CHODL: variants seen among roughly 807,000 people sequenced by gnomAD.
CHODL encodes transmembrane protein MT75.
In CHODL, 29 loss-of-function variants were observed where a neutral mutation model predicts 34.5. The observed-to-expected ratio is 0.84, with a 90% CI of 0.63 to 1.15. The LOEUF (loss-of-function observed/expected upper bound fraction) is 1.15, where lower values mean the gene tolerates loss of function less well. Ranked by LOEUF, CHODL falls within the 50% of genes most tolerant of loss-of-function variation. CHODL has a pLI of 0.00. For synonymous variants in CHODL, 125 were observed against 116.1 expected, an observed-to-expected ratio of 1.08 and a Z score of -0.49; for missense variants, 332 against 332.5, an observed-to-expected ratio of 1.00 and a Z score of 0.01.
chr21:18,221,595 G>A lies in CHODL; in HGVS notation c.-44-34914G>A, dbSNP rs187815294. 2.6e-4 allele frequency among the ~76,000 whole-genome samples: 40 copies of A among 152,140 alleles called. No homozygotes were observed. In the East Asian group the frequency reaches 3.3e-3, roughly 12 times the overall value. Reference sequence around the variant, plus strand: ...ATAGAATGCTTTCATTTTCTTCCTGGTTAGGTACCATAGTATAGTCTTAGT... The same window carrying A: ...ATAGAATGCTTTCATTTTCTTCCTGATTAGGTACCATAGTATAGTCTTAGT... On this transcript the variant is annotated intron_variant, in intron 2 of 6. Transcript: ENST00000400127.
At chr21:18,233,835 C>T (rs991354161) in intron 2 of CHODL, among the ~76,000 whole-genome samples, 1 of 152,054 alleles carries the variant, frequency 6.6e-6, no homozygotes, top group Non-Finnish European at 1.5e-5. Flanking sequence ...TGACTTACAA[C>T]AATAAATATA....
chr21:17,927,074 A>G (rs1407409805), intron 1 of CHODL, among the ~76,000 whole-genome samples: 1 of 149,498 alleles, frequency 6.7e-6, no homozygotes, highest in African/African-American at 2.5e-5. Flanking sequence ...ATGTATATGT[A>G]TATCTGTGTG....
chr21:17,987,899 A>G (rs2063766255), intron 1 of CHODL, among the ~76,000 whole-genome samples: 1 of 152,166 alleles, frequency 6.6e-6, no homozygotes, highest in South Asian at 2.1e-4. Flanking sequence ...AACAAATCAT[A>G]AGCCATCTGA....
rs2073947926 is a variant in CHODL at position 18,228,162 on chromosome 21, T to A, written c.-44-28347T>A. Among the ~76,000 whole-genome samples, 3 of 152,254 alleles carry A rather than the reference T, an allele frequency of 2.0e-5. No homozygotes were observed. The South Asian group carries it at 6.2e-4, about 32-fold the overall frequency. On this transcript the variant is annotated intron_variant, in intron 2 of 6. Coordinates refer to the CHODL transcript ENST00000400127. ...TGCATCAATATTTCACACTAAAAAT[T>A]AATTAATTTGATAGCTTACTCATTG...
At chr21:17,991,658 AT>A (rs35600353) in intron 1 of CHODL, among the ~76,000 whole-genome samples, 29,809 of 128,216 alleles carry the variant, frequency 0.23, 4,123 homozygotes, top group African/African-American at 0.42. Context: ...AGATTATTTG[AT>A]TTTTTTTTTT....
At chr21:18,149,128 G>T (rs1456593122) in intron 2 of CHODL, among the ~76,000 whole-genome samples, 1 of 152,120 alleles carries the variant, frequency 6.6e-6, no homozygotes, top group East Asian at 1.9e-4. Flanking sequence ...GGTAGGTTTT[G>T]GATTAGGCTT....
intron 2 of CHODL, among the ~76,000 whole-genome samples, chr21:18,146,412 G>C (rs1254618542): frequency 2.0e-5 from 3 of 152,064 alleles, no homozygotes; most frequent in Non-Finnish European, 2.9e-5. Flanking sequence ...GGGACATTTT[G>C]GGAGGTGATT....
intron 2 of CHODL, among the ~76,000 whole-genome samples, chr21:18,235,410 T>A (rs79352635): frequency 0.014 from 2,100 of 152,220 alleles, 17 homozygotes; most frequent in Non-Finnish European, 0.019. Flanking sequence ...ATATGATTAA[T>A]CTATATTTTA....
intron 2 of CHODL, among the ~76,000 whole-genome samples, chr21:18,127,131 A>C (rs2065555779): frequency 6.6e-6 from 1 of 152,226 alleles, no homozygotes; most frequent in Non-Finnish European, 1.5e-5. Context: ...TAATTTAAAC[A>C]CAAGTTAACT....
At chr21:18,229,747 C>A (rs1324289897) in intron 2 of CHODL, among the ~76,000 whole-genome samples, 2 of 152,088 alleles carry the variant, frequency 1.3e-5, no homozygotes, top group African/African-American at 2.4e-5. Flanking sequence ...TTCACCCCTA[C>A]TCCAAACAAC....
intron 2 of CHODL, among the ~76,000 whole-genome samples, chr21:18,172,263 G>A (rs565961318): frequency 4.2e-4 from 64 of 152,208 alleles, no homozygotes; most frequent in African/African-American, 1.5e-3. Flanking sequence ...CAAACCTTAG[G>A]AAAATGTTAT....
At chr21:18,147,548 C>G (rs9982939) in intron 2 of CHODL, among the ~76,000 whole-genome samples, 1 of 152,174 alleles carries the variant, frequency 6.6e-6, no homozygotes, top group Non-Finnish European at 1.5e-5. Flanking sequence ...CTTATAATCA[C>G]AGGGAGTTCT....
chr21:17,946,946 C>G (rs2063414448), intron 1 of CHODL, among the ~76,000 whole-genome samples: 1 of 151,990 alleles, frequency 6.6e-6, no homozygotes, highest in South Asian at 2.1e-4. Flanking sequence ...TCCTATCTTC[C>G]TATCTTCCTT....
chr21:18,001,805 A>G, intron 1 of CHODL, among the ~76,000 whole-genome samples: 3 of 136,490 alleles, frequency 2.2e-5, no homozygotes, highest in Middle Eastern at 3.9e-3. Flanking sequence ...TTAATTTCCC[A>G]CAATCCTGTT....
At chr21:18,192,110 T>C (rs747344433) in intron 2 of CHODL, among the ~76,000 whole-genome samples, 14 of 152,204 alleles carry the variant, frequency 9.2e-5, no homozygotes, top group Admixed American at 2.0e-4. Flanking sequence ...TGAATACCCC[T>C]GTCCCTCCTT....
chr21:18,049,445 T>C (rs1285109654), intron 2 of CHODL, among the ~76,000 whole-genome samples: 1 of 152,024 alleles, frequency 6.6e-6, no homozygotes, highest in Non-Finnish European at 1.5e-5. Context: ...ATAACAATAC[T>C]ACTTAGGAAA....
In CHODL at chr21:18,039,975, T is replaced by C. The variant is rs145800411; in HGVS notation, c.-45+12004T>C. 5.9e-3 allele frequency among the ~76,000 whole-genome samples: 889 copies of C among 151,882 alleles called. 11 individuals are homozygous for C. Among genetic ancestry groups the C allele is most frequent in the African/African-American group, 0.021 (853 of 41,520 alleles). On this transcript the variant is annotated intron_variant, in intron 2 of 6. Transcript: ENST00000400127. ...TTGGGTCTTGCTGAGCCTCCAAACATGGACTAAGTTCACAGGATAGTTTTT... is the reference window on the plus strand; with the variant it reads ...TTGGGTCTTGCTGAGCCTCCAAACACGGACTAAGTTCACAGGATAGTTTTT...
intron 2 of CHODL, among the ~76,000 whole-genome samples, chr21:18,095,375 C>A (rs1302402065): frequency 6.6e-6 from 1 of 151,982 alleles, no homozygotes; most frequent in Non-Finnish European, 1.5e-5. Context: ...CTACATTGAG[C>A]AACTATATGC....
chr21:18,200,307 A>G (rs2073637526), intron 2 of CHODL, among the ~76,000 whole-genome samples: 1 of 152,198 alleles, frequency 6.6e-6, no homozygotes, highest in Admixed American at 6.5e-5. Context: ...AAATGTATAA[A>G]ATTTGCAATA....
Sources: gnomAD v4.1 joint callset for allele counts (sites outside exome capture counted in the v4.1 genomes callset) on GRCh38, gnomAD v4.1.1 for gene constraint, MANE v1.5 for transcripts, NCBI Gene and HGNC (gene_info 2026-07-23, HGNC 2026-07-21) for gene names.